The following HECW2 variants were observed in gnomAD, a reference collection of about 807,000 sequenced individuals.
HECW2 encodes E3 ubiquitin-protein ligase HECW2.
HECW2 carries 61 observed loss-of-function variants against 175.2 expected under a neutral mutation model. The ratio of observed to expected loss-of-function variants is 0.35; its 90% CI spans 0.28 to 0.43. The LOEUF (loss-of-function observed/expected upper bound fraction) is 0.43, where lower values mean the gene tolerates loss of function less well. HECW2 is among the 20% of genes least tolerant of loss of function. The pLI, the probability that HECW2 is intolerant of heterozygous loss-of-function variation, is 1.00. For missense variants in HECW2, 1,524 were observed against 2,000.5 expected, an observed-to-expected ratio of 0.76 and a Z score of 4.54; for synonymous variants, 671 against 731.0, an observed-to-expected ratio of 0.92 and a Z score of 1.32.
Position 196,375,291 on chromosome 2 carries a change from T to A in HECW2, c.293-31527A>T, listed in dbSNP as rs114129260. ...GTCCCAAATGGAATCATGACATCAA[T>A]TTAAATCAAACATAAATATTAAAAG... On this transcript the variant is annotated intron_variant, in intron 2 of 28. Transcript: ENST00000644978. Among the ~76,000 whole-genome samples the A allele has an allele frequency of 6.5e-3, 984 of 152,312 alleles. 7 individuals are homozygous for A. The highest frequency in any genetic ancestry group is 0.022 in the African/African-American group (897 of 41,578).
At chr2:196,531,371 T>G (rs1688832810) in intron 1 of HECW2, among the ~76,000 whole-genome samples, 1 of 152,170 alleles carries the variant, frequency 6.6e-6, no homozygotes, top group South Asian at 2.1e-4. Flanking sequence ...TTATTAAATG[T>G]TTTTGGCCAG....
intron 2 of HECW2, among the ~76,000 whole-genome samples, chr2:196,406,497 T>C (rs1694969280): frequency 6.6e-6 from 1 of 152,228 alleles, no homozygotes; most frequent in African/African-American, 2.4e-5. Context: ...TGACCTATAA[T>C]CCATTCTCCT....
Position 196,197,143 on chromosome 2 carries a change from T to G in HECW2, c.*4134A>C, listed in dbSNP as rs1686719800. On this transcript the variant is annotated 3_prime_UTR_variant, in exon 29 of 29. Coordinates refer to ENST00000644978, the MANE Select transcript of HECW2 (RefSeq NM_001348768.2). ...GACTCAGTTTGGAGATTAGACCACA[T>G]TCTTCTTATGCATGTTTTTATTATG... The G allele has an allele frequency of 6.6e-6, 1 of 152,086 alleles. No individual in the cohort carries two copies. Among genetic ancestry groups the G allele is most frequent in the South Asian group, 2.1e-4 (1 of 4,816 alleles). 9.4% of individuals were successfully genotyped at this position (152,086 alleles called of 1,614,324 possible). A position where few individuals can be genotyped will look rare whatever the true frequency, so the allele number is the denominator to read the frequency against.
At chr2:196,588,029 C>T (rs6434861) in intron 1 of HECW2, among the ~76,000 whole-genome samples, 129,453 of 152,212 alleles carry the variant, frequency 0.85, 55,125 homozygotes, top group East Asian at 0.96. Flanking sequence ...TCTTACCTTC[C>T]GTTAACTCTT....
At chr2:196,588,955 A>G (rs1402346840) in intron 1 of HECW2, among the ~76,000 whole-genome samples, 1 of 152,108 alleles carries the variant, frequency 6.6e-6, no homozygotes, top group Non-Finnish European at 1.5e-5. Flanking sequence ...TAATCCCAAC[A>G]CTTTGGGAGG....
chr2:196,249,766 T>C (rs1343566179), intron 19 of HECW2, among the ~76,000 whole-genome samples: 1 of 152,202 alleles, frequency 6.6e-6, no homozygotes, highest in Non-Finnish European at 1.5e-5. Flanking sequence ...TCCATTGATA[T>C]CAGGCTGTAC....
intron 1 of HECW2, among the ~76,000 whole-genome samples, chr2:196,451,699 G>C (rs749520757): frequency 1.3e-5 from 2 of 151,968 alleles, no homozygotes; most frequent in Non-Finnish European, 2.9e-5. Context: ...AAGAGTTTGA[G>C]AGCAGCCTGG....
At chr2:196,507,779 T>C (rs1409255844) in intron 1 of HECW2, among the ~76,000 whole-genome samples, 2 of 152,256 alleles carry the variant, frequency 1.3e-5, no homozygotes, top group Admixed American at 1.3e-4. Flanking sequence ...CAGTCATGAT[T>C]GGGAGAGAGA....
At chr2:196,573,948 A>C (rs900791533) in intron 1 of HECW2, among the ~76,000 whole-genome samples, 2 of 152,090 alleles carry the variant, frequency 1.3e-5, no homozygotes, top group Non-Finnish European at 2.9e-5. Context: ...TGGGAGACTG[A>C]GGCAAGAGGA....
At chr2:196,467,921 G>C (rs1459312242) in intron 1 of HECW2, among the ~76,000 whole-genome samples, 2 of 152,248 alleles carry the variant, frequency 1.3e-5, no homozygotes, top group East Asian at 3.8e-4. Context: ...TAGCAACAGA[G>C]TCTAATAATC....
Position 196,554,132 on chromosome 2 carries a change from A to T in HECW2, c.-36+39376T>A, listed in dbSNP as rs375901231. On this transcript the variant is annotated intron_variant, in intron 1 of 28. Coordinates refer to ENST00000644978, the MANE Select transcript of HECW2 (RefSeq NM_001348768.2). ...GGCGGGCGGATCACGAGGTCAGGAG[A>T]TCGAGACCACGGTGAAACCCCGTCT... Among the ~76,000 whole-genome samples, 90 of 152,126 alleles carry T rather than the reference A, an allele frequency of 5.9e-4. No individual in the cohort carries two copies. In the East Asian group the frequency reaches 9.3e-3, roughly 16 times the overall value.
At chr2:196,244,750 G>A (rs1316110427) in intron 19 of HECW2, among the ~76,000 whole-genome samples, 1 of 152,228 alleles carries the variant, frequency 6.6e-6, no homozygotes, top group Non-Finnish European at 1.5e-5. Context: ...GCTGGCATGA[G>A]CACTGCATGT....
At chr2:196,407,585 G>C (rs557380732) in intron 2 of HECW2, among the ~76,000 whole-genome samples, 2 of 152,272 alleles carry the variant, frequency 1.3e-5, no homozygotes, top group African/African-American at 4.8e-5. Flanking sequence ...CCAACACAGA[G>C]AGGAAGGTGC....
intron 4 of HECW2, among the ~76,000 whole-genome samples, chr2:196,330,148 T>C (rs1399707180): frequency 6.6e-6 from 1 of 152,192 alleles, no homozygotes; most frequent in Non-Finnish European, 1.5e-5. Flanking sequence ...TGTGTTCTAT[T>C]GTGCTGCAGG....
chr2:196,287,944 A>C (rs1248715768), intron 14 of HECW2: 2 of 152,010 alleles, frequency 1.3e-5, no homozygotes. Flanking sequence ...GTCATTCTAC[A>C]GTGGACCCTT....
intron 1 of HECW2, among the ~76,000 whole-genome samples, chr2:196,452,152 C>A (rs1240714869): frequency 6.6e-6 from 1 of 152,088 alleles, no homozygotes; most frequent in Non-Finnish European, 1.5e-5. Flanking sequence ...GGCTATTGAT[C>A]ATTTGAAATG....
intron 17 of HECW2, among the ~76,000 whole-genome samples, chr2:196,259,691 C>A (rs984297300): frequency 1.3e-5 from 2 of 152,110 alleles, no homozygotes; most frequent in African/African-American, 2.4e-5. Flanking sequence ...CATTTTCCCT[C>A]AAGTTTTGGA....
chr2:196,427,187 T>C (rs948846513), intron 2 of HECW2, among the ~76,000 whole-genome samples: 5 of 152,202 alleles, frequency 3.3e-5, no homozygotes, highest in African/African-American at 9.6e-5. Context: ...AATCAGTATA[T>C]TGATTTACAT....
chr2:196,349,056 C>T (rs867609960), intron 2 of HECW2, among the ~76,000 whole-genome samples: 1 of 152,210 alleles, frequency 6.6e-6, no homozygotes, highest in African/African-American at 2.4e-5. Flanking sequence ...CTCCCCCTTA[C>T]AGTGGTGCCT....
Sources: gnomAD v4.1 joint callset for allele counts (sites outside exome capture counted in the v4.1 genomes callset) on GRCh38, gnomAD v4.1.1 for gene constraint, MANE v1.5 for transcripts, NCBI Gene and HGNC (gene_info 2026-07-23, HGNC 2026-07-21) for gene names.